BCAM: variants seen among roughly 807,000 people sequenced by gnomAD.
BCAM encodes basal cell adhesion molecule.
A neutral mutation model predicts 72.4 loss-of-function variants in BCAM; 61 were observed. The ratio of observed to expected loss-of-function variants is 0.84; its 90% confidence interval spans 0.69 to 1.04. The LOEUF is 1.04. Ranked by LOEUF, BCAM falls within the 50% of genes least tolerant of loss-of-function variation. The pLI, the probability that BCAM is intolerant of heterozygous loss-of-function variation, is 0.00. For synonymous variants in BCAM, 408 were observed against 384.2 expected, an observed-to-expected ratio of 1.06 and a Z score of -0.73; for missense variants, 909 against 895.0, an observed-to-expected ratio of 1.02 and a Z score of -0.20.
In BCAM at chr19:44,814,667, C is replaced by A; in HGVS notation, c.985C>A (p.Arg329=). The A allele has an allele frequency of 6.2e-7, 1 of 1,614,050 alleles. No individual in the cohort carries two copies. Among genetic ancestry groups the A allele is most frequent in the Non-Finnish European group, 8.5e-7 (1 of 1,180,022 alleles). ...EGNLTLEGVT[R]GQSGTYGCRV... Reference sequence around the variant, plus strand: ...GAACTTGACCCTGGAGGGAGTGACCCGGGGCCAGAGCGGGACCTATGGCTG... The same window carrying A: ...GAACTTGACCCTGGAGGGAGTGACCAGGGGCCAGAGCGGGACCTATGGCTG... The change falls in exon 8 of 15, where the codon CGG becomes AGG. Residue 329 remains arginine, a synonymous_variant. Transcript: ENST00000270233. The surrounding 1 kb of genome is among the most constrained non-coding windows in gnomAD (Gnocchi z 4.6).
At chr19:44,815,954 G>C (rs1968498582) in intron 8 of BCAM, among the ~76,000 whole-genome samples, 1 of 152,124 alleles carries the variant, frequency 6.6e-6, no homozygotes, top group South Asian at 2.1e-4. Context: ...TGAAACTGCA[G>C]TGAGCCAAGA....
At chr19:44,815,042 C>T (rs1225376450) in intron 8 of BCAM, among the ~76,000 whole-genome samples, 6 of 151,588 alleles carry the variant, frequency 4.0e-5, no homozygotes, top group South Asian at 2.1e-4. Context: ...CGCATCTTGT[C>T]GAGAGCTCTT....
At chr19:44,815,075 C>G (rs1244298096) in intron 8 of BCAM, among the ~76,000 whole-genome samples, 1 of 152,110 alleles carries the variant, frequency 6.6e-6, no homozygotes, top group Non-Finnish European at 1.5e-5. Context: ...ACCTGACCCT[C>G]CTCTGCTCAG....
chr19:44,812,966 A>T lies in BCAM; in HGVS notation c.505-284A>T. The T allele has an allele frequency of 5.7e-6, 2 of 352,098 alleles. No individual in the cohort carries two copies. Among genetic ancestry groups the T allele is most frequent in the Non-Finnish European group, 9.4e-6 (2 of 211,650 alleles). The allele number at this position is 352,098 out of a possible 1,614,324, so 21.8% of individuals were successfully genotyped here. A position where few individuals can be genotyped will look rare whatever the true frequency, so the allele number is the denominator to read the frequency against. ...CTCCGTCTCAAAAAAAAAAAAAAAA[A>T]GAAGAAGAAAAGAAAAAAGAAAGGA... On this transcript the variant is annotated intron_variant, in intron 4 of 14. Transcript: ENST00000270233. This position sits in a 1 kb window ranked among gnomAD's most constrained non-coding sequence, Gnocchi z 5.3.
intron 13 of BCAM, 42 bp from the exon 14 acceptor site, chr19:44,820,649 CCCCTGCCGTGTGCA>C: frequency 3.6e-6 from 5 of 1,377,478 alleles, no homozygotes; most frequent in Non-Finnish European, 4.7e-6. Context: ...TCAGTTCCTC[CCCCTGCCGTGTGCA>C]CCTCCAACAC....
chr19:44,816,099 C>T (rs1031329211), intron 8 of BCAM, among the ~76,000 whole-genome samples: 3 of 151,978 alleles, frequency 2.0e-5, no homozygotes, highest in Non-Finnish European at 2.9e-5. Flanking sequence ...GGGTGGATCA[C>T]CTGAGGTCAG....
chr19:44,813,740 A>T lies in BCAM; in HGVS notation c.784+120A>T. 1 of 1,376,272 alleles carries T rather than the reference A, an allele frequency of 7.3e-7. No individual in the cohort carries two copies. The highest frequency in any genetic ancestry group is 9.7e-7 in the Non-Finnish European group (1 of 1,028,354). The allele number at this position is 1,376,272 out of a possible 1,614,324, so 85.3% of individuals were successfully genotyped here. A position where few individuals can be genotyped will look rare whatever the true frequency, so the allele number is the denominator to read the frequency against. ...TCTGCCTCCCTACTTCATGCTAAAAAAAAATGTGCTAGTGCTGGCCACTGA... is the reference window on the plus strand; with the variant it reads ...TCTGCCTCCCTACTTCATGCTAAAATAAAATGTGCTAGTGCTGGCCACTGA... On this transcript the variant is annotated intron_variant, in intron 6 of 14. Coordinates refer to ENST00000270233, the MANE Select transcript of BCAM (RefSeq NM_005581.5). The surrounding 1 kb of genome is among the most constrained non-coding windows in gnomAD (Gnocchi z 4.2).
chr19:44,820,031 C>T, intron 13 of BCAM: 1 of 1,270,724 alleles, frequency 7.9e-7, no homozygotes, highest in Non-Finnish European at 9.9e-7. Context: ...TCTCCTGCCC[C>T]TAGCTCAGCC....
Position 44,819,333 on chromosome 19 carries a change from G to A in BCAM, c.1474-13G>A, listed in dbSNP as rs371714918. The stretch of plus-strand genomic sequence containing the variant: ...TGACCCCACCAGCCGGGGCCTGATC[G>A]GAGCCTCCATAGCCCGCAGAGCCAA... On this transcript the variant is annotated splice_polypyrimidine_tract_variant and intron_variant, in intron 11 of 14. Coordinates refer to ENST00000270233, the MANE Select transcript of BCAM (RefSeq NM_005581.5). 200 of 1,613,812 alleles carry A rather than the reference G, an allele frequency of 1.2e-4. No homozygotes were observed. The highest frequency in any genetic ancestry group is 1.5e-4 in the Non-Finnish European group (172 of 1,179,914).
rs9967601 is a variant in BCAM at position 44,814,212 on chromosome 19, G to T, written c.845G>T (p.Arg282Leu). Residue 282 changes from arginine (R) to leucine (L), a missense_variant, in exon 7 of 15, where the codon CGC becomes CTC. Coordinates refer to ENST00000270233, the MANE Select transcript of BCAM (RefSeq NM_005581.5). The surrounding 1 kb of genome is among the most constrained non-coding windows in gnomAD (Gnocchi z 4.6). ...GSPSTPAGWV[R>L]EGDTVQLLCR... ...CCGTCCACCCCAGCAGGCTGGGTAC[G>T]CGAGGGTGACACTGTCCAGCTGCTC... is the stretch of plus-strand genomic sequence containing the variant. 4 of 1,585,664 alleles carry T rather than the reference G, an allele frequency of 2.5e-6. No homozygotes were observed. Among genetic ancestry groups the T allele is most frequent in the Non-Finnish European group, 3.4e-6 (4 of 1,172,054 alleles).
Position 44,812,525 on chromosome 19 carries a change from G to A in BCAM, c.481G>A (p.Val161Met). 4 of 1,614,242 alleles carry A rather than the reference G, an allele frequency of 2.5e-6. No homozygotes were observed. The highest frequency in any genetic ancestry group is 3.4e-6 in the Non-Finnish European group (4 of 1,180,030). Reference sequence around the variant, plus strand: ...CTCCCCCAACAAAGGGACACTGTCTGTGATGGAGGACTCTGCCCAGGAGGT... The same window carrying A: ...CTCCCCCAACAAAGGGACACTGTCTATGATGGAGGACTCTGCCCAGGAGGT... ...EVSPNKGTLSVMEDSAQEIAT... is the reference protein window; with the variant it reads ...EVSPNKGTLSMMEDSAQEIAT... The change falls in exon 4 of 15, where the codon GTG becomes ATG. Residue 161 changes from valine (V) to methionine (M), a missense_variant. Physicochemically the swap from Val to Met is conservative, Grantham distance 21 (BLOSUM62 1). Transcript: ENST00000270233. The surrounding 1 kb of genome is among the most constrained non-coding windows in gnomAD (Gnocchi z 5.3).
chr19:44,819,466 C>G lies in BCAM; in HGVS notation c.1594C>G (p.Arg532Gly), dbSNP rs779640046. Residue 532 changes from arginine (R) to glycine (G), a missense_variant, in exon 12 of 15, where the codon CGC becomes GGC. Arg to Gly is a moderately radical substitution (Grantham distance 125). Coordinates refer to ENST00000270233, the MANE Select transcript of BCAM (RefSeq NM_005581.5). Reference sequence around the variant, plus strand: ...AGCCTCCAACCCCCACGGGAACAAGCGCCATGTCTTCCACTTCGGCACCGG... The same window carrying G: ...AGCCTCCAACCCCCACGGGAACAAGGGCCATGTCTTCCACTTCGGCACCGG... ...CEASNPHGNK[R>G]HVFHFGTVSP... 6.2e-7 allele frequency: 1 copy of G among 1,614,020 alleles called. No homozygotes were observed. Among genetic ancestry groups the G allele is most frequent in the South Asian group, 1.1e-5 (1 of 91,090 alleles).
rs28399656 is a variant in BCAM at position 44,813,447 on chromosome 19, T to A, written c.611T>A (p.Met204Lys). Residue 204 changes from methionine to lysine, a missense_variant, in exon 6 of 15, where the codon ATG (methionine) becomes AAG (lysine). Transcript: ENST00000270233. The surrounding 1 kb of genome is among the most constrained non-coding windows in gnomAD (Gnocchi z 4.2). ...CCCCGATCTCTCCCAGAGGGCTACA[T>A]GACCAGCCGCACGGTCCGGGAGGCC... Reference protein sequence around the residue: ...VPVEMNPEGYMTSRTVREASG... With the variant: ...VPVEMNPEGYKTSRTVREASG... 0.01 allele frequency: 16,395 copies of A among 1,610,918 alleles called. 142 individuals are homozygous for A. The highest frequency in any genetic ancestry group is 0.02 in the Middle Eastern group (124 of 6,058).
chr19:44,820,636 T>C, intron 13 of BCAM, 69 bp from the exon 14 acceptor site: 1 of 736,344 alleles, frequency 1.4e-6, no homozygotes, highest in South Asian at 2.8e-5. Context: ...CCCACCCCCA[T>C]CCTCAGTTCC....
chr19:44,815,395 C>T lies in BCAM; in HGVS notation c.1078+635C>T, dbSNP rs1968491830. On this transcript the variant is annotated intron_variant, in intron 8 of 14. Transcript: ENST00000270233. ...ATATCCCTTCCTGGGGTAGACCCTGCGCCAGATGCTGGGGACACATCTGTG... is the reference window on the plus strand; with the variant it reads ...ATATCCCTTCCTGGGGTAGACCCTGTGCCAGATGCTGGGGACACATCTGTG... Among the ~76,000 whole-genome samples the T allele has an allele frequency of 2.0e-5, 3 of 152,174 alleles. No individual in the cohort carries two copies. In the South Asian group the frequency reaches 6.2e-4, roughly 31 times the overall value.
Position 44,813,257 on chromosome 19 carries a change from C to A in BCAM, c.512C>A (p.Thr171Asn). 3 of 1,614,092 alleles carry A rather than the reference C, an allele frequency of 1.9e-6. No homozygotes were observed. The highest frequency in any genetic ancestry group is 1.1e-5 in the South Asian group (1 of 91,076). The change falls in exon 5 of 15, where the codon ACC becomes AAC. Residue 171 changes from threonine (T) to asparagine (N), a missense_variant. Transcript: ENST00000270233. This position sits in a 1 kb window ranked among gnomAD's most constrained non-coding sequence, Gnocchi z 4.2. Reference protein sequence around the residue: ...VMEDSAQEIATCNSRNGNPAP... With the variant: ...VMEDSAQEIANCNSRNGNPAP... ...TGCCCGTGTCTGCCTCAGATCGCCA[C>A]CTGCAACAGCCGGAACGGGAACCCG...
In BCAM at chr19:44,812,208, C is replaced by G; in HGVS notation, c.250C>G (p.Gln84Glu). ...ARPRLASAEMQGSELQVTMHD... is the reference protein window; with the variant it reads ...ARPRLASAEMEGSELQVTMHD... ...CCCCCGCCTAGCCTCGGCTGAGATGCAGGGCTCTGAGCTCCAGGTCACAAT... is the reference window on the plus strand; with the variant it reads ...CCCCCGCCTAGCCTCGGCTGAGATGGAGGGCTCTGAGCTCCAGGTCACAAT... Residue 84 changes from glutamine (Q) to glutamate (E), a missense_variant, in exon 3 of 15, where the codon CAG becomes GAG. By Grantham distance (29) the Gln-to-Glu change is conservative. Coordinates refer to ENST00000270233, the MANE Select transcript of BCAM (RefSeq NM_005581.5). This position sits in a 1 kb window ranked among gnomAD's most constrained non-coding sequence, Gnocchi z 5.3. 1 of 1,606,216 alleles carries G rather than the reference C, an allele frequency of 6.2e-7. No homozygotes were observed. The highest frequency in any genetic ancestry group is 8.5e-7 in the Non-Finnish European group (1 of 1,178,102).
intron 13 of BCAM, 131 bp downstream of exon 13, chr19:44,819,857 C>T: frequency 7.0e-7 from 1 of 1,425,748 alleles, no homozygotes. Flanking sequence ...CCTCCATCCC[C>T]AACCCATCCT....
chr19:44,820,954 T>G lies in BCAM; in HGVS notation c.*33T>G, dbSNP rs1196490474. ...ACCTCCTAGAGGCTGTCCCTGGACC[T>G]GGAGCTGCAGGCATCAGAGAACCAG... On this transcript the variant is annotated 3_prime_UTR_variant, in exon 15 of 15. Coordinates refer to ENST00000270233, the MANE Select transcript of BCAM (RefSeq NM_005581.5). The G allele has an allele frequency of 1.3e-6, 2 of 1,544,580 alleles. No homozygotes were observed. Among genetic ancestry groups the G allele is most frequent in the Non-Finnish European group, 1.7e-6 (2 of 1,145,490 alleles).
Sources: gnomAD v4.1 joint callset for allele counts (sites outside exome capture counted in the v4.1 genomes callset) on GRCh38, gnomAD v4.1.1 for gene constraint, Gnocchi (gnomAD v3.1) non-coding constraint, MANE v1.5 for transcripts, NCBI Gene and HGNC (gene_info 2026-07-23, HGNC 2026-07-21) for gene names.